SH3BP1: variants seen among roughly 807,000 people sequenced by gnomAD.
SH3BP1 encodes SH3 domain-binding protein 1.
A neutral mutation model predicts 69.8 loss-of-function variants in SH3BP1; 46 were observed. The ratio of observed to expected loss-of-function variants is 0.66; its 90% confidence interval spans 0.52 to 0.84. SH3BP1 has a LOEUF of 0.84. SH3BP1 is among the 40% of genes least tolerant of loss of function. The pLI, the probability that SH3BP1 is intolerant of heterozygous loss-of-function variation, is 0.00. For missense variants in SH3BP1, 868 were observed against 930.9 expected, an observed-to-expected ratio of 0.93 and a Z score of 0.88; for synonymous variants, 403 against 378.0, an observed-to-expected ratio of 1.07 and a Z score of -0.77.
At position 37,639,756 on chromosome 22, in the gene SH3BP1, C is replaced by T. The variant is rs776774482; in HGVS notation, c.-32C>T. 6 of 1,440,054 alleles carry T rather than the reference C, an allele frequency of 4.2e-6. No individual in the cohort carries two copies. The highest frequency in any genetic ancestry group is 5.5e-6 in the Non-Finnish European group (6 of 1,082,078). The allele number at this position is 1,440,054 out of a possible 1,614,324, so 89.2% of individuals were successfully genotyped here. A position where few individuals can be genotyped will look rare whatever the true frequency, so the allele number is the denominator to read the frequency against. On this transcript the variant is annotated 5_prime_UTR_variant, in exon 1 of 18. Transcript: ENST00000649765. ...GGCTCCCCGGGCCCGCGACCCCCGC[C>T]GTGACCCCGCAGCCCCCAGCTCGCC...
In SH3BP1 at chr22:37,642,407, C is replaced by T; in HGVS notation, c.208-132C>T. On this transcript the variant is annotated intron_variant, in intron 3 of 17. Transcript: ENST00000649765. Reference sequence around the variant, plus strand: ...TGTCACCCCCACCACGCCTTGTCATCTTGTTTCCACTCTCATCTGGGACTG... The same window carrying T: ...TGTCACCCCCACCACGCCTTGTCATTTTGTTTCCACTCTCATCTGGGACTG... The T allele has an allele frequency of 3.8e-6, 3 of 785,636 alleles. No homozygotes were observed. The South Asian group carries it at 4.8e-5, about 13-fold the overall frequency. The allele number at this position is 785,636 out of a possible 1,614,324, so 48.7% of individuals were successfully genotyped here.
At chr22:37,649,142 G>A (rs1021097852) in intron 14 of SH3BP1, among the ~76,000 whole-genome samples, 3 of 152,128 alleles carry the variant, frequency 2.0e-5, no homozygotes, top group Non-Finnish European at 2.9e-5. Context: ...CAAACTTTGA[G>A]GGCTTTTGCT....
In SH3BP1 at chr22:37,655,625, A is replaced by G. The variant is rs202113963; in HGVS notation, c.2047A>G (p.Thr683Ala). The G allele has an allele frequency of 5.6e-5, 65 of 1,165,754 alleles. 2 individuals are homozygous for G. The Admixed American group carries it at 1.9e-3, about 33-fold the overall frequency. 72.2% of individuals were successfully genotyped at this position (1,165,754 alleles called of 1,614,324 possible). A position where few individuals can be genotyped will look rare whatever the true frequency, so the allele number is the denominator to read the frequency against. Residue 683 changes from threonine (T) to alanine (A), a missense_variant, in exon 18 of 18, where the codon ACT becomes GCT. By Grantham distance (58) the Thr-to-Ala change is moderately conservative. Around this residue, in one of 3 missense-constraint regions of SH3BP1, gnomAD observed 474 missense variants for 462.3 expected, o/e 1.03. Coordinates refer to ENST00000649765, the MANE Select transcript of SH3BP1 (RefSeq NM_018957.6). ...GAPEAISGVP[T>A]PPAIPPQPRP... ...CCCTGAGGCTATCAGTGGGGTCCCC[A>G]CTCCCCCAGCTATCCCCCCTCAGCC...
chr22:37,642,757 C>A (rs754620056), intron 4 of SH3BP1, 138 bp from the exon 5 acceptor site: 16 of 1,599,454 alleles, frequency 1.0e-5, no homozygotes, highest in East Asian at 6.7e-5. Context: ...GGTGGCCAGG[C>A]CTGGGAGGGT....
chr22:37,648,444 C>T lies in SH3BP1; in HGVS notation c.1316+9C>T. On this transcript the variant is annotated intron_variant, in intron 14 of 17. Transcript: ENST00000649765. ...CCACCTGAGAAAGAAGGGTGAGGGG[C>T]CGCGGGCTGGGGGAGGTGGCAGGAG... The T allele has an allele frequency of 6.5e-7, 1 of 1,538,350 alleles. No homozygotes were observed. Among genetic ancestry groups the T allele is most frequent in the Non-Finnish European group, 8.8e-7 (1 of 1,130,262 alleles).
chr22:37,649,442 AGCCACT>A (rs1932838098), intron 14 of SH3BP1, among the ~76,000 whole-genome samples: 1 of 151,978 alleles, frequency 6.6e-6, no homozygotes, highest in South Asian at 2.1e-4. Context: ...GCCATGATGG[AGCCACT>A]GCATTCCAGC....
rs1320062043 is a variant in SH3BP1 at position 37,650,184 on chromosome 22, C to T, written c.1349C>T (p.Ser450Phe). 1 of 1,614,016 alleles carries T rather than the reference C, an allele frequency of 6.2e-7. No individual in the cohort carries two copies. Among genetic ancestry groups the T allele is most frequent in the Non-Finnish European group, 8.5e-7 (1 of 1,180,046 alleles). ...GCCCAGCTGGATGCAGCCTCCGTGT[C>T]TTCCATCCAGGTGGTGGGCGTCGTC... ...DQAQLDAASV[S>F]SIQVVGVVEA... Residue 450 changes from serine to phenylalanine, a missense_variant, in exon 15 of 18, where the codon TCT becomes TTT. By Grantham distance (155) the Ser-to-Phe change is radical (BLOSUM62 -2). Coordinates refer to ENST00000649765, the MANE Select transcript of SH3BP1 (RefSeq NM_018957.6).
At position 37,642,922 on chromosome 22, in the gene SH3BP1, C is replaced by A; in HGVS notation, c.312C>A (p.Ile104=). The A allele has an allele frequency of 6.2e-7, 1 of 1,612,748 alleles. No individual in the cohort carries two copies. Among genetic ancestry groups the A allele is most frequent in the Non-Finnish European group, 8.5e-7 (1 of 1,179,968 alleles). The change falls in exon 5 of 18, where the codon ATC becomes ATA. Residue 104 remains isoleucine, a synonymous_variant. Coordinates refer to ENST00000649765, the MANE Select transcript of SH3BP1 (RefSeq NM_018957.6). The part of the protein sequence containing the change: ...MGKALEMSCA[I]QNQLARILAE... ...AGGCCTTGGAGATGAGCTGTGCCAT[C>A]CAGAATCAGCTGGCCCGCATCCTGG... is the stretch of plus-strand genomic sequence containing the variant.
In SH3BP1 at chr22:37,642,335, A is replaced by G. The variant is rs551571594; in HGVS notation, c.208-204A>G. ...AGTCAAGTGGCTTCTGGGAAGAGGA[A>G]AGGGCACGCCAGATGGAGAGGGGCT... On this transcript the variant is annotated intron_variant, in intron 3 of 17. Transcript: ENST00000649765. 1.2e-4 allele frequency: 69 copies of G among 569,922 alleles called. 1 individual carries two copies. In the South Asian group the frequency reaches 1.3e-3, roughly 11 times the overall value. 35.3% of individuals were successfully genotyped at this position (569,922 alleles called of 1,614,324 possible).
chr22:37,641,102 C>A lies in SH3BP1; in HGVS notation c.60-24C>A, dbSNP rs773038001. ...GCAGGCTCAGCAGAAGCACTCTCCC[C>A]CCCCCCCCCACCACTCCCCGCAGCA... On this transcript the variant is annotated intron_variant, in intron 1 of 17. Coordinates refer to ENST00000649765, the MANE Select transcript of SH3BP1 (RefSeq NM_018957.6). 5.3e-4 allele frequency: 650 copies of A among 1,227,146 alleles called. 12 individuals carry two copies. In the East Asian group the frequency reaches 5.6e-3, roughly 11 times the overall value. The allele number at this position is 1,227,146 out of a possible 1,614,324, so 76.0% of individuals were successfully genotyped here.
intron 10 of SH3BP1, 71 bp downstream of exon 10, chr22:37,645,581 G>A: frequency 6.6e-7 from 1 of 1,520,550 alleles, no homozygotes; most frequent in South Asian, 1.2e-5. Context: ...CCCACTTGCT[G>A]CCCTTTCCGG....
chr22:37,644,207 G>A (rs1201083217), intron 7 of SH3BP1, among the ~76,000 whole-genome samples: 1 of 152,152 alleles, frequency 6.6e-6, no homozygotes, highest in Non-Finnish European at 1.5e-5. Context: ...GTGAAACCCT[G>A]TCTCTACTAA....
rs776337354 is a variant in SH3BP1 at position 37,645,416 on chromosome 22, C to T, written c.830C>T (p.Ser277Leu). The T allele has an allele frequency of 9.3e-6, 15 of 1,613,738 alleles. No homozygotes were observed. The Admixed American group carries it at 1.0e-4, about 11-fold the overall frequency. Residue 277 changes from serine (S) to leucine (L), a missense_variant, in exon 10 of 18, where the codon TCG (serine) becomes TTG (leucine). Around this residue, in one of 3 missense-constraint regions of SH3BP1, gnomAD observed 387 missense variants for 447.9 expected, o/e 0.86. Transcript: ENST00000649765. ...CACTTCCCCAGGGTGTATGGGGTGTCGCTGGCAACCCACCTGCAAGAGCTG... is the reference window on the plus strand; with the variant it reads ...CACTTCCCCAGGGTGTATGGGGTGTTGCTGGCAACCCACCTGCAAGAGCTG... ...ATHFPRVYGV[S>L]LATHLQELGR...
intron 16 of SH3BP1, 133 bp from the exon 17 acceptor site, chr22:37,653,646 G>A (rs975411112): frequency 5.6e-6 from 4 of 717,778 alleles, no homozygotes; most frequent in Non-Finnish European, 1.0e-5. Flanking sequence ...GGGGTGCGTG[G>A]CATGGGGACA....
chr22:37,644,865 C>A lies in SH3BP1; in HGVS notation c.688-5C>A. 6.2e-7 allele frequency: 1 copy of A among 1,613,976 alleles called. No individual in the cohort carries two copies. The highest frequency in any genetic ancestry group is 8.5e-7 in the Non-Finnish European group (1 of 1,179,970). On this transcript the variant is annotated splice_region_variant and splice_polypyrimidine_tract_variant and intron_variant, in intron 8 of 17. Coordinates refer to ENST00000649765, the MANE Select transcript of SH3BP1 (RefSeq NM_018957.6). ...TCCGCTCAGGGTGTCCCTTCATCCCCACAGCTCCTGGAGATTCAGGCCGAT... is the reference window on the plus strand; with the variant it reads ...TCCGCTCAGGGTGTCCCTTCATCCCAACAGCTCCTGGAGATTCAGGCCGAT...
chr22:37,641,550 C>T, intron 3 of SH3BP1, 72 bp downstream of exon 3: 1 of 1,297,842 alleles, frequency 7.7e-7, no homozygotes, highest in Non-Finnish European at 1.1e-6. Context: ...AAGGTCGGGG[C>T]TGGGGTTTCC....
intron 10 of SH3BP1, 22 bp downstream of exon 10, chr22:37,645,532 G>A (rs1932770112): frequency 6.3e-7 from 1 of 1,596,752 alleles, no homozygotes; most frequent in Non-Finnish European, 8.6e-7. Context: ...TGGGGCAGGT[G>A]GGGAAGGAGC....
At chr22:37,639,902 T>C in intron 1 of SH3BP1, 56 bp downstream of exon 1, 1 of 854,960 alleles carries the variant, frequency 1.2e-6, no homozygotes, top group Non-Finnish European at 1.8e-6. Flanking sequence ...TGAGGGGTCG[T>C]AAAAGGGTCG....
intron 16 of SH3BP1, among the ~76,000 whole-genome samples, chr22:37,651,794 G>A (rs9622670): frequency 6.6e-6 from 1 of 151,712 alleles, no homozygotes; most frequent in African/African-American, 2.4e-5. Context: ...GGGAGAGAGA[G>A]AGACAGCATC....
Sources: gnomAD v4.1 joint callset for allele counts (sites outside exome capture counted in the v4.1 genomes callset) on GRCh38, gnomAD v4.1.1 for gene constraint, gnomAD v4.1.1 regional missense constraint, MANE v1.5 for transcripts, NCBI Gene and HGNC (gene_info 2026-07-23, HGNC 2026-07-21) for gene names.